Variants in TBC1D23 observed in about 807,000 individuals in gnomAD.
The protein encoded by TBC1D23 is TBC1 domain family member 23.
Under a neutral mutation model 91.4 loss-of-function variants are expected in TBC1D23, and 55 were observed. The ratio of observed to expected loss-of-function variants is 0.60; its 90% CI spans 0.48 to 0.75. The LOEUF (loss-of-function observed/expected upper bound fraction) is 0.75. TBC1D23 is among the 30% of genes least tolerant of loss of function. TBC1D23 has a pLI of 0.00. For missense variants in TBC1D23, 725 were observed against 836.1 expected (o/e 0.87, Z 1.64); for synonymous variants, 289 against 281.0 (o/e 1.03, Z -0.28).
intron 5 of TBC1D23, among the ~76,000 whole-genome samples, chr3:100,293,307 G>A (rs1412668298): frequency 1.3e-5 from 2 of 151,950 alleles, no homozygotes; most frequent in Non-Finnish European, 2.9e-5. Flanking sequence ...CTAATTTTTT[G>A]TATTTTTATT....
chr3:100,288,027 AC>A, intron 4 of TBC1D23, among the ~76,000 whole-genome samples: 1 of 151,746 alleles, frequency 6.6e-6, no homozygotes, highest in Non-Finnish European at 1.5e-5. Context: ...AGATCACTTG[AC>A]CCCAGGAGTT....
At position 100,290,781 on chromosome 3, in the gene TBC1D23, G is replaced by A. The variant is rs1197283618; in HGVS notation, c.600+80G>A. The A allele has an allele frequency of 3.3e-6, 4 of 1,221,758 alleles. No homozygotes were observed. The African/African-American group carries it at 4.6e-5, about 14-fold the overall frequency. 75.7% of individuals were successfully genotyped at this position (1,221,758 alleles called of 1,614,324 possible). On this transcript the variant is annotated intron_variant, in intron 5 of 18. Transcript: ENST00000394144. Reference sequence around the variant, plus strand: ...AGTTAGGTGGGTTTTTTTTTTCAAGGAAGAGAAAGAAAAGTCCTAATTATA... The same window carrying A: ...AGTTAGGTGGGTTTTTTTTTTCAAGAAAGAGAAAGAAAAGTCCTAATTATA...
chr3:100,305,635 C>A (rs1705504485), intron 12 of TBC1D23, among the ~76,000 whole-genome samples: 1 of 152,062 alleles, frequency 6.6e-6, no homozygotes, highest in Non-Finnish European at 1.5e-5. Context: ...GAATCTTAGG[C>A]TTTAATCATG....
chr3:100,277,374 G>T (rs2067656714), intron 1 of TBC1D23, among the ~76,000 whole-genome samples: 1 of 152,174 alleles, frequency 6.6e-6, no homozygotes, highest in Admixed American at 6.5e-5. Context: ...TGCTACTTAA[G>T]GTGTAGCATT....
intron 1 of TBC1D23, among the ~76,000 whole-genome samples, chr3:100,269,793 T>C (rs1159746767): frequency 1.3e-5 from 2 of 152,232 alleles, no homozygotes; most frequent in Non-Finnish European, 2.9e-5. Context: ...TCTCATTCCC[T>C]GGGCATTAAG....
intron 4 of TBC1D23, among the ~76,000 whole-genome samples, chr3:100,288,167 C>T (rs1161899170): frequency 1.3e-5 from 2 of 151,298 alleles, no homozygotes; most frequent in Non-Finnish European, 2.9e-5. Flanking sequence ...ATCACCTGAG[C>T]CCAGGGAGGT....
chr3:100,291,736 G>A (rs2067792029), intron 5 of TBC1D23, among the ~76,000 whole-genome samples: 2 of 150,768 alleles, frequency 1.3e-5, no homozygotes, highest in African/African-American at 4.9e-5. Context: ...TTATGTTTTT[G>A]CAAATCTCAT....
intron 13 of TBC1D23, 70 bp downstream of exon 13, chr3:100,306,613 C>T: frequency 1.2e-6 from 1 of 842,682 alleles, no homozygotes; most frequent in Non-Finnish European, 2.0e-6. Flanking sequence ...ACTACTAAAC[C>T]CCCACCATAA....
At chr3:100,289,163 C>T (rs1303781201) in intron 4 of TBC1D23, among the ~76,000 whole-genome samples, 2 of 151,744 alleles carry the variant, frequency 1.3e-5, no homozygotes. Context: ...TGCAGTGAGC[C>T]GAGATCACGC....
intron 10 of TBC1D23, among the ~76,000 whole-genome samples, chr3:100,299,769 C>T (rs1437899612): frequency 1.3e-5 from 2 of 152,226 alleles, no homozygotes; most frequent in Non-Finnish European, 2.9e-5. Context: ...CCTCAGCCTC[C>T]CAAAGTGTTG....
intron 13 of TBC1D23, among the ~76,000 whole-genome samples, chr3:100,309,135 C>T (rs1705571405): frequency 1.3e-5 from 2 of 152,156 alleles, no homozygotes; most frequent in Admixed American, 1.3e-4. Context: ...GATCGCACCA[C>T]TGCACTCCAA....
chr3:100,318,952 C>A (rs1326262189), intron 16 of TBC1D23, 117 bp from the exon 17 acceptor site: 2 of 618,702 alleles, frequency 3.2e-6, no homozygotes, highest in Non-Finnish European at 5.4e-6. Context: ...TGTGCCCAGG[C>A]TGTTTGTTTT....
rs566977209 is a variant in TBC1D23, at chr3:100,274,894, A to ACC, written c.54-4747_54-4746dup. On this transcript the variant is annotated intron_variant, in intron 1 of 18. Coordinates refer to ENST00000394144, the MANE Select transcript of TBC1D23 (RefSeq NM_001199198.3). ...ACATATATCTATGCATACAGTACAC[A>ACC]CCCCCCCCCTTTTTGTTTATTCATT... 7.8e-3 allele frequency among the ~76,000 whole-genome samples: 1,034 copies of ACC among 131,800 alleles called. 7 individuals are homozygous for ACC. Among genetic ancestry groups the ACC allele is most frequent in the East Asian group, 0.036 (168 of 4,712 alleles). 86.5% of individuals were successfully genotyped at this position (131,800 alleles called of 152,430 possible). A position where few individuals can be genotyped will look rare whatever the true frequency, so the allele number is the denominator to read the frequency against.
At position 100,316,193 on chromosome 3, in the gene TBC1D23, G is replaced by C. The variant is rs1705741747; in HGVS notation, c.1687+6G>C. 1 of 1,602,834 alleles carries C rather than the reference G, an allele frequency of 6.2e-7. No homozygotes were observed. Among genetic ancestry groups the C allele is most frequent in the African/African-American group, 1.3e-5 (1 of 74,712 alleles). ...TGAAGAAGAATACGACACAGGTGTA[G>C]TAATACACTTAGCTACAGACAGCTT... On this transcript the variant is annotated splice_donor_region_variant and intron_variant, in intron 16 of 18. Transcript: ENST00000394144.
rs186180204 is a variant in TBC1D23, at chr3:100,296,103, C to T, written c.773-69C>T. 4,783 of 797,680 alleles carry T rather than the reference C, an allele frequency of 6.0e-3. 24 individuals are homozygous for T. The highest frequency in any genetic ancestry group is 8.1e-3 in the Non-Finnish European group (4,046 of 499,060). The allele number at this position is 797,680 out of a possible 1,614,324, so 49.4% of individuals were successfully genotyped here. On this transcript the variant is annotated intron_variant, in intron 7 of 18. Coordinates refer to ENST00000394144, the MANE Select transcript of TBC1D23 (RefSeq NM_001199198.3). ...CATAGTATTTATGATGAAGATATTT[C>T]GGCTCTGATACATAAACAATATTTG...
At chr3:100,301,921 G>C in intron 10 of TBC1D23, 146 bp from the exon 11 acceptor site, 1 of 592,300 alleles carries the variant, frequency 1.7e-6, no homozygotes, top group Non-Finnish European at 2.9e-6. Flanking sequence ...TTATCCCAGG[G>C]ATTTTATTTA....
At chr3:100,292,581 T>C (rs1331816795) in intron 5 of TBC1D23, among the ~76,000 whole-genome samples, 1 of 152,176 alleles carries the variant, frequency 6.6e-6, no homozygotes, top group Non-Finnish European at 1.5e-5. Flanking sequence ...AATTCCCTCT[T>C]GGCCACAGTC....
chr3:100,295,209 A>G lies in TBC1D23; in HGVS notation c.723A>G (p.Ala241=). The G allele has an allele frequency of 6.3e-7, 1 of 1,599,376 alleles. No individual in the cohort carries two copies. Among genetic ancestry groups the G allele is most frequent in the Non-Finnish European group, 8.5e-7 (1 of 1,175,320 alleles). The change falls in exon 6 of 19, where the codon GCA becomes GCG. Residue 241 remains alanine, a splice_region_variant and synonymous_variant. Transcript: ENST00000394144. ...TAATGTTAATTATCCTTGTTAATGC[A>G]AAGTAAGTATCTGGTTGGTTAGATT... is the stretch of plus-strand genomic sequence containing the variant. ...YFLMLIILVN[A]KEVILTQESD...
At chr3:100,316,060 T>C (rs1389308233) in intron 15 of TBC1D23, 39 bp from the exon 16 acceptor site, 2 of 1,469,706 alleles carry the variant, frequency 1.4e-6, no homozygotes, top group Non-Finnish European at 1.9e-6. Context: ...TGATAACTTC[T>C]TAAGTGATTA....
Sources: allele counts gnomAD v4.1 joint callset (sites outside exome capture counted in the v4.1 genomes callset), GRCh38; gene constraint gnomAD v4.1.1; transcripts MANE v1.5; gene names NCBI Gene and HGNC (gene_info 2026-07-23, HGNC 2026-07-21).